Variants in EPHA5 observed in about 807,000 individuals in gnomAD.
EPHA5 encodes EPH receptor A5.
A neutral mutation model predicts 105.0 loss-of-function variants in EPHA5; 60 were observed. That is an observed-to-expected ratio of 0.57 (90% confidence interval 0.46 to 0.71). The LOEUF is 0.71. Among genes scored for constraint, EPHA5 ranks in the 30% least tolerant of loss-of-function variants. EPHA5 has a pLI of 0.00. For synonymous variants in EPHA5, 513 were observed against 449.1 expected, an observed-to-expected ratio of 1.14 and a Z score of -1.80; for missense variants, 1,218 against 1,274.7, an observed-to-expected ratio of 0.96 and a Z score of 0.68.
intron 15 of EPHA5, among the ~76,000 whole-genome samples, chr4:65,333,530 AGTGTGTGTCTGTGTGT>A (rs1321114595): frequency 0.024 from 2,932 of 122,532 alleles, 52 homozygotes; most frequent in African/African-American, 0.037. Context: ...TGCGTGTGAG[AGTGTGTGTCTGTGTGT>A]GTGTGTGTGT....
At chr4:65,637,092 C>A (rs973263462) in intron 2 of EPHA5, among the ~76,000 whole-genome samples, 1 of 151,982 alleles carries the variant, frequency 6.6e-6, no homozygotes, top group African/African-American at 2.4e-5. Context: ...CACAAACACA[C>A]ACAAATAAAT....
intron 3 of EPHA5, among the ~76,000 whole-genome samples, chr4:65,601,175 GA>G (rs1392482014): frequency 3.9e-5 from 6 of 152,130 alleles, no homozygotes; most frequent in African/African-American, 1.4e-4. Context: ...TCATATGGCT[GA>G]ACTTTTTTTC....
rs557460257 is a variant in EPHA5, at chr4:65,519,914, G to T, written c.911-24371C>A. ...AATGGAAGAACATTCCATGCTCATGGATACGAAGAATCAGTATTGTGAAAA... is the reference window on the plus strand; with the variant it reads ...AATGGAAGAACATTCCATGCTCATGTATACGAAGAATCAGTATTGTGAAAA... On this transcript the variant is annotated intron_variant, in intron 3 of 16. Transcript: ENST00000613740. Among the ~76,000 whole-genome samples, 13 of 152,272 alleles carry T rather than the reference G, an allele frequency of 8.5e-5. No individual in the cohort carries two copies. The South Asian group carries it at 2.7e-3, about 32-fold the overall frequency.
intron 3 of EPHA5, among the ~76,000 whole-genome samples, chr4:65,507,336 T>C (rs1420948364): frequency 1.3e-5 from 2 of 152,026 alleles, no homozygotes; most frequent in Non-Finnish European, 2.9e-5. Context: ...CTTAGGATTG[T>C]CTTGGCAATG....
chr4:65,332,255 GC>G, intron 15 of EPHA5, 127 bp from the exon 16 acceptor site: 1 of 668,296 alleles, frequency 1.5e-6, no homozygotes, highest in Non-Finnish European at 2.3e-6. Context: ...GGAAAAATAT[GC>G]AAATGCTAAT....
chr4:65,476,904 G>T (rs1370391175), intron 5 of EPHA5, among the ~76,000 whole-genome samples: 1 of 151,708 alleles, frequency 6.6e-6, no homozygotes. Context: ...AAAACATCAA[G>T]CATAAACAAC....
intron 3 of EPHA5, among the ~76,000 whole-genome samples, chr4:65,588,921 G>C (rs544019923): frequency 2.0e-5 from 3 of 152,226 alleles, no homozygotes; most frequent in Non-Finnish European, 4.4e-5. Context: ...GGAAACAAAA[G>C]ACCCCAGCAC....
At chr4:65,513,424 T>C (rs1408609444) in intron 3 of EPHA5, among the ~76,000 whole-genome samples, 1 of 152,166 alleles carries the variant, frequency 6.6e-6, no homozygotes, top group Admixed American at 6.6e-5. Flanking sequence ...TCTCGCTCTG[T>C]CGCCCAGGCT....
intron 3 of EPHA5, among the ~76,000 whole-genome samples, chr4:65,589,783 C>G (rs1742460906): frequency 6.6e-6 from 1 of 152,016 alleles, no homozygotes; most frequent in South Asian, 2.1e-4. Flanking sequence ...TCCACAGGAC[C>G]AAGTAATTAT....
At chr4:65,369,986 TAC>T (rs1718298880) in intron 8 of EPHA5, among the ~76,000 whole-genome samples, 1 of 151,992 alleles carries the variant, frequency 6.6e-6, no homozygotes, top group Admixed American at 6.6e-5. Flanking sequence ...AACAACAAAA[TAC>T]AGTTATCTTT....
At chr4:65,551,771 T>A (rs1284154484) in intron 3 of EPHA5, among the ~76,000 whole-genome samples, 1 of 152,206 alleles carries the variant, frequency 6.6e-6, no homozygotes, top group African/African-American at 2.4e-5. Flanking sequence ...ACTCAGTATT[T>A]ATAACACATA....
rs1737603624 is a variant in EPHA5 at position 65,548,557 on chromosome 4, G to A, written c.911-53014C>T. ...AATTTTCACACTTGATGAAAGATGT[G>A]AAACCACAAATTGAAGAAACTCTGA... On this transcript the variant is annotated intron_variant, in intron 3 of 16. Transcript: ENST00000613740. Among the ~76,000 whole-genome samples the A allele has an allele frequency of 2.0e-5, 3 of 152,110 alleles. No homozygotes were observed. The South Asian group carries it at 6.2e-4, about 32-fold the overall frequency.
intron 1 of EPHA5, among the ~76,000 whole-genome samples, chr4:65,667,983 A>C (rs1175218186): frequency 6.6e-6 from 1 of 152,200 alleles, no homozygotes; most frequent in Non-Finnish European, 1.5e-5. Flanking sequence ...GGTGTTAATA[A>C]AAGGTCTACG....
intron 1 of EPHA5, among the ~76,000 whole-genome samples, chr4:65,666,178 C>T (rs1749949376): frequency 6.6e-6 from 1 of 152,078 alleles, no homozygotes; most frequent in African/African-American, 2.4e-5. Context: ...GCCTTTTCTT[C>T]CCACCTTATG....
At chr4:65,457,095 ACAC>A (rs1727674019) in intron 5 of EPHA5, among the ~76,000 whole-genome samples, 1 of 152,176 alleles carries the variant, frequency 6.6e-6, no homozygotes, top group Non-Finnish European at 1.5e-5. Context: ...TTAATAAGCT[ACAC>A]ATACTTTCAA....
intron 8 of EPHA5, among the ~76,000 whole-genome samples, chr4:65,400,830 A>G (rs1038346356): frequency 2.0e-5 from 3 of 152,152 alleles, no homozygotes; most frequent in African/African-American, 7.2e-5. Flanking sequence ...AAATCATAAA[A>G]TAAATTGCCA....
chr4:65,591,508 C>A (rs1742651440), intron 3 of EPHA5, among the ~76,000 whole-genome samples: 1 of 151,850 alleles, frequency 6.6e-6, no homozygotes, highest in African/African-American at 2.4e-5. Context: ...ACTCATTTCT[C>A]AGAATTAGTT....
At chr4:65,640,284 T>TTC (rs1747533182) in intron 2 of EPHA5, among the ~76,000 whole-genome samples, 1 of 51,870 alleles carries the variant, frequency 1.9e-5, no homozygotes, top group African/African-American at 6.3e-5. Context: ...AGTTTTTTCT[T>TTC]TTTTTTTTTT....
Position 65,669,788 on chromosome 4 carries a change from C to T in EPHA5, c.-46G>A, listed in dbSNP as rs1750307576. 1.2e-5 allele frequency: 15 copies of T among 1,237,252 alleles called. No individual in the cohort carries two copies. The highest frequency in any genetic ancestry group is 1.5e-5 in the Non-Finnish European group (15 of 990,686). 76.6% of individuals were successfully genotyped at this position (1,237,252 alleles called of 1,614,324 possible). ...TGCCGCTGTCCCGAGCGGCTCAGTC[C>T]ACCGCTTCGGCCTCGCAGAGCGGCG... On this transcript the variant is annotated 5_prime_UTR_variant, in exon 1 of 17. Transcript: ENST00000613740.
Sources: allele counts gnomAD v4.1 joint callset (sites outside exome capture counted in the v4.1 genomes callset), GRCh38; gene constraint gnomAD v4.1.1; transcripts MANE v1.5; gene names NCBI Gene and HGNC (gene_info 2026-07-23, HGNC 2026-07-21).